Variants in TROAP observed in about 807,000 individuals in gnomAD.
TROAP encodes the protein trophinin associated protein, also known as tastin.
TROAP carries 62 observed loss-of-function variants against 83.4 expected under a neutral mutation model. The ratio of observed to expected loss-of-function variants is 0.74; its 90% CI spans 0.61 to 0.92. The LOEUF is 0.92. Ranked by LOEUF, TROAP falls within the 40% of genes least tolerant of loss-of-function variation. TROAP has a pLI of 0.00. For synonymous variants in TROAP, 352 were observed against 386.4 expected, an observed-to-expected ratio of 0.91 and a Z score of 1.04; for missense variants, 876 against 985.1, an observed-to-expected ratio of 0.89 and a Z score of 1.48.
rs17853062 is a variant in TROAP, at chr12:49,330,372, C to A, written c.1527C>A (p.Cys509Ter). 1.9e-6 allele frequency: 3 copies of A among 1,614,116 alleles called. No individual in the cohort carries two copies. The highest frequency in any genetic ancestry group is 2.5e-6 in the Non-Finnish European group (3 of 1,179,998). ...GLPKPCLPEE[C>*]GEPQPCPPAE... ...CAAAGCCCTGTCTTCCAGAGGAGTG[C>A]GGGGAACCACAGCCCTGCCCTCCGG... Residue 509 changes from cysteine (C) to a stop codon, truncating the protein, a stop_gained, in exon 13 of 15, where the codon TGC (cysteine) becomes TGA (stop). Coordinates refer to ENST00000257909, the MANE Select transcript of TROAP (RefSeq NM_005480.4). LOFTEE classifies it high-confidence loss of function.
Position 49,331,655 on chromosome 12 carries a change from T to G in TROAP, c.*38T>G. 1 of 1,613,620 alleles carries G rather than the reference T, an allele frequency of 6.2e-7. No individual in the cohort carries two copies. The highest frequency in any genetic ancestry group is 8.5e-7 in the Non-Finnish European group (1 of 1,179,818). On this transcript the variant is annotated 3_prime_UTR_variant, in exon 15 of 15. Coordinates refer to ENST00000257909, the MANE Select transcript of TROAP (RefSeq NM_005480.4). ...TCCTGCCCTGCCGTACTTCTTCCTT[T>G]TAGCCCTTATTTATTGTCGGTCTGC...
chr12:49,328,171 G>A (rs2137069778), intron 8 of TROAP, among the ~76,000 whole-genome samples: 1 of 151,666 alleles, frequency 6.6e-6, no homozygotes, highest in Non-Finnish European at 1.5e-5. Flanking sequence ...GAAAGCCATG[G>A]GGAGAGGGGT....
Position 49,323,897 on chromosome 12 carries a change from C to G in TROAP, c.197C>G (p.Ala66Gly), listed in dbSNP as rs1262073121. ...ATTCAACGCCCCCTCGTTGATTCAG[C>G]AGGCCCCAGGCCGAAAGCCAGGCAC... ...LNIQRPLVDS[A>G]GPRPKARHQA... The change falls in exon 3 of 15, where the codon GCA becomes GGA. Residue 66 changes from alanine (A) to glycine (G), a missense_variant. Coordinates refer to ENST00000257909, the MANE Select transcript of TROAP (RefSeq NM_005480.4). The G allele has an allele frequency of 1.2e-6, 2 of 1,614,092 alleles. No individual in the cohort carries two copies. Among genetic ancestry groups the G allele is most frequent in the East Asian group, 2.2e-5 (1 of 44,884 alleles).
At position 49,331,664 on chromosome 12, in the gene TROAP, A is replaced by C; in HGVS notation, c.*47A>C. The C allele has an allele frequency of 6.2e-7, 1 of 1,612,888 alleles. No individual in the cohort carries two copies. Among genetic ancestry groups the C allele is most frequent in the Non-Finnish European group, 8.5e-7 (1 of 1,179,390 alleles). ...GCCGTACTTCTTCCTTTTAGCCCTTATTTATTGTCGGTCTGCCCATGGGAC... is the reference window on the plus strand; with the variant it reads ...GCCGTACTTCTTCCTTTTAGCCCTTCTTTATTGTCGGTCTGCCCATGGGAC... On this transcript the variant is annotated 3_prime_UTR_variant, in exon 15 of 15. Transcript: ENST00000257909.
At position 49,329,168 on chromosome 12, in the gene TROAP, A is replaced by G. The variant is rs775716318; in HGVS notation, c.1028A>G (p.Tyr343Cys). The change falls in exon 10 of 15, where the codon TAT (tyrosine) becomes TGT (cysteine). Residue 343 changes from tyrosine (Y) to cysteine (C), a missense_variant. Around this residue, in one of 3 missense-constraint regions of TROAP, gnomAD observed 689 missense variants for 722.6 expected, o/e 0.95. Transcript: ENST00000257909. The surrounding 1 kb of genome is among the most constrained non-coding windows in gnomAD (Gnocchi z 4.5). ...ACCCACATCTCTCCCCAGACCTCAT[A>G]TTCAGTGTTGCGGCGTCTCACCGTT... The part of the protein sequence containing the change: ...PSPGPPTLTS[Y>C]SVLRRLTVQP... 1.2e-6 allele frequency: 2 copies of G among 1,613,850 alleles called. No individual in the cohort carries two copies. The highest frequency in any genetic ancestry group is 1.7e-6 in the Non-Finnish European group (2 of 1,179,970).
At position 49,326,138 on chromosome 12, in the gene TROAP, G is replaced by A; in HGVS notation, c.696G>A (p.Arg232=). Residue 232 remains arginine, a synonymous_variant, in exon 6 of 15, where the codon AGG becomes AGA. Coordinates refer to ENST00000257909, the MANE Select transcript of TROAP (RefSeq NM_005480.4). ...STRPSFQELR[R]ETAGSSRTSV... The stretch of plus-strand genomic sequence containing the variant: ...GCCCCAGTTTCCAGGAGCTAAGAAG[G>A]GAGACAGCTGGCAGCAGCCGGTGAG... 6.2e-7 allele frequency: 1 copy of A among 1,614,036 alleles called. No individual in the cohort carries two copies. The highest frequency in any genetic ancestry group is 8.5e-7 in the Non-Finnish European group (1 of 1,180,020).
intron 4 of TROAP, 37 bp downstream of exon 4, chr12:49,325,695 G>T: frequency 6.2e-7 from 1 of 1,612,746 alleles, no homozygotes; most frequent in South Asian, 1.1e-5. Context: ...AGGCTAGGGG[G>T]CACTGAGGGG....
intron 3 of TROAP, 82 bp downstream of exon 3, chr12:49,324,119 GCACT>G: frequency 3.1e-6 from 5 of 1,613,960 alleles, no homozygotes; most frequent in Admixed American, 1.7e-5. Context: ...TTGGGGTTTT[GCACT>G]CACTCCTGCT....
At chr12:49,331,062 C>T in intron 13 of TROAP, 119 bp downstream of exon 13, 1 of 1,539,826 alleles carries the variant, frequency 6.5e-7, no homozygotes, top group Non-Finnish European at 8.9e-7. Flanking sequence ...CACCCTGGCC[C>T]AGCCTGGCTC....
At chr12:49,326,268 C>A in intron 6 of TROAP, 110 bp downstream of exon 6, 2 of 1,097,646 alleles carry the variant, frequency 1.8e-6, no homozygotes, top group Non-Finnish European at 2.7e-6. Flanking sequence ...GACTCCCCAC[C>A]AACTCAGGAG....
At chr12:49,326,508 CCTCT>C in intron 6 of TROAP, 156 bp from the exon 7 acceptor site, 1 of 893,314 alleles carries the variant, frequency 1.1e-6, no homozygotes, top group Non-Finnish European at 1.7e-6. Context: ...CTTGCCTTCA[CCTCT>C]CTGAGCTTTG....
rs1943562743 is a variant in TROAP, at chr12:49,330,481, G to C, written c.1636G>C (p.Glu546Gln). 6.2e-7 allele frequency: 1 copy of C among 1,613,578 alleles called. No homozygotes were observed. The highest frequency in any genetic ancestry group is 1.3e-5 in the African/African-American group (1 of 74,982). Residue 546 changes from glutamate (E) to glutamine (Q), a missense_variant, in exon 13 of 15, where the codon GAG becomes CAG. Physicochemically the swap from Glu to Gln is conservative, Grantham distance 29 (BLOSUM62 2). Around this residue, in one of 3 missense-constraint regions of TROAP, gnomAD observed 689 missense variants for 722.6 expected, o/e 0.95. Coordinates refer to ENST00000257909, the MANE Select transcript of TROAP (RefSeq NM_005480.4). ...PSLQEQLEVP[E>Q]PYPPAEPRPL... ...CCTCCAGGAACAGCTTGAAGTACCAGAGCCCTACCCTCCAGCAGAACCCAG... is the reference window on the plus strand; with the variant it reads ...CCTCCAGGAACAGCTTGAAGTACCACAGCCCTACCCTCCAGCAGAACCCAG...
chr12:49,329,313 A>G lies in TROAP; in HGVS notation c.1104+69A>G. ...GGGGAGAAAGGAGATGGATGGGTAC[A>G]GGAGAGAGAAGACAGAAGCAAGGGG... On this transcript the variant is annotated intron_variant, in intron 10 of 14. Transcript: ENST00000257909. The surrounding 1 kb of genome is among the most constrained non-coding windows in gnomAD (Gnocchi z 4.5). The G allele has an allele frequency of 6.2e-7, 1 of 1,612,900 alleles. No individual in the cohort carries two copies. The highest frequency in any genetic ancestry group is 8.5e-7 in the Non-Finnish European group (1 of 1,178,848).
intron 3 of TROAP, among the ~76,000 whole-genome samples, chr12:49,324,909 CT>C (rs891098022): frequency 0.12 from 13,772 of 112,502 alleles, 482 homozygotes; most frequent in African/African-American, 0.14. Flanking sequence ...TGTTTTCTTT[CT>C]TTTTTTTTTT....
chr12:49,325,302 C>T (rs1943480879), intron 3 of TROAP, among the ~76,000 whole-genome samples, 199 bp from the exon 4 acceptor site: 1 of 151,218 alleles, frequency 6.6e-6, no homozygotes, highest in African/African-American at 2.4e-5. Flanking sequence ...GTGATCCACC[C>T]GCCTCGGCCT....
intron 7 of TROAP, among the ~76,000 whole-genome samples, chr12:49,326,972 C>T (rs1467757996): frequency 1.3e-5 from 2 of 152,238 alleles, no homozygotes; most frequent in Non-Finnish European, 2.9e-5. Flanking sequence ...CTTCCACTCA[C>T]TGTTTATCCC....
chr12:49,324,868 C>CCAGCACCT (rs1449323825), intron 3 of TROAP, among the ~76,000 whole-genome samples: 3 of 151,146 alleles, frequency 2.0e-5, no homozygotes, highest in African/African-American at 7.3e-5. Flanking sequence ...CCTGGGATTA[C>CCAGCACCT]CAGCACCTGC....
At chr12:49,325,992 T>G (rs1943494443) in intron 5 of TROAP, 84 bp from the exon 6 acceptor site, 2 of 1,604,998 alleles carry the variant, frequency 1.2e-6, no homozygotes, top group Admixed American at 1.7e-5. Context: ...GGGATCCTAC[T>G]GGGGGAGATG....
At position 49,329,514 on chromosome 12, in the gene TROAP, C is replaced by T. The variant is rs1943548406; in HGVS notation, c.1164+60C>T. Reference sequence around the variant, plus strand: ...TTGCCCTGTGCTGCCAGCCTGGAGGCCCAGGAGTTTGAGGCACACGTGCTT... The same window carrying T: ...TTGCCCTGTGCTGCCAGCCTGGAGGTCCAGGAGTTTGAGGCACACGTGCTT... On this transcript the variant is annotated intron_variant, in intron 11 of 14. Coordinates refer to ENST00000257909, the MANE Select transcript of TROAP (RefSeq NM_005480.4). The surrounding 1 kb of genome is among the most constrained non-coding windows in gnomAD (Gnocchi z 4.5). 19 of 1,544,178 alleles carry T rather than the reference C, an allele frequency of 1.2e-5. No homozygotes were observed. Among genetic ancestry groups the T allele is most frequent in the Non-Finnish European group, 1.6e-5 (18 of 1,145,220 alleles).
Sources: gnomAD v4.1 joint callset for allele counts (sites outside exome capture counted in the v4.1 genomes callset) on GRCh38, gnomAD v4.1.1 for gene constraint, gnomAD v4.1.1 regional missense constraint, Gnocchi (gnomAD v3.1) non-coding constraint, MANE v1.5 for transcripts, NCBI Gene and HGNC (gene_info 2026-07-23, HGNC 2026-07-21) for gene names.